The following BICC1 variants were observed in gnomAD, a reference collection of about 807,000 sequenced individuals.
The protein encoded by BICC1 is protein bicaudal C homolog 1.
A neutral mutation model predicts 111.0 loss-of-function variants in BICC1; 43 were observed. The ratio of observed to expected loss-of-function variants is 0.39; its 90% CI spans 0.30 to 0.50. The LOEUF (loss-of-function observed/expected upper bound fraction) is 0.50, where lower values mean the gene tolerates loss of function less well. Ranked by LOEUF, BICC1 falls within the 20% of genes least tolerant of loss-of-function variation. The pLI is 0.88. For missense variants in BICC1, 1,091 were observed against 1,203.2 expected, an observed-to-expected ratio of 0.91 and a Z score of 1.38; for synonymous variants, 467 against 434.4, an observed-to-expected ratio of 1.07 and a Z score of -0.93.
chr10:58,797,078 C>T (rs192390158), intron 10 of BICC1, among the ~76,000 whole-genome samples: 1 of 152,138 alleles, frequency 6.6e-6, no homozygotes, highest in Admixed American at 6.6e-5. Context: ...GAACAAACGT[C>T]ATCATCTCAG....
Position 58,697,945 on chromosome 10 carries a change from G to T in BICC1, c.238-4129G>T, listed in dbSNP as rs560334004. On this transcript the variant is annotated intron_variant, in intron 2 of 20. Transcript: ENST00000373886. Reference sequence around the variant, plus strand: ...CCACCTCCCACCCCCATGACAGAATGCGTCACACTCCACTACTCCCATCAC... The same window carrying T: ...CCACCTCCCACCCCCATGACAGAATTCGTCACACTCCACTACTCCCATCAC... Among the ~76,000 whole-genome samples, 231 of 150,982 alleles carry T rather than the reference G, an allele frequency of 1.5e-3. 1 individual carries two copies. The highest frequency in any genetic ancestry group is 5.3e-3 in the African/African-American group (217 of 41,006).
At chr10:58,674,226 C>T (rs1839270420) in intron 2 of BICC1, among the ~76,000 whole-genome samples, 1 of 150,128 alleles carries the variant, frequency 6.7e-6, no homozygotes. Context: ...ATTTGCTGCA[C>T]CTCTGACCAC....
intron 2 of BICC1, among the ~76,000 whole-genome samples, chr10:58,652,959 A>G (rs1185237770): frequency 6.6e-6 from 1 of 152,150 alleles, no homozygotes; most frequent in Non-Finnish European, 1.5e-5. Context: ...GGCTGAGCAG[A>G]GGTTTCCTTG....
At chr10:58,585,449 G>T (rs1844402837) in intron 1 of BICC1, among the ~76,000 whole-genome samples, 1 of 152,152 alleles carries the variant, frequency 6.6e-6, no homozygotes, top group African/African-American at 2.4e-5. Flanking sequence ...ACTATTTTCT[G>T]AATATGGTGA....
intron 2 of BICC1, among the ~76,000 whole-genome samples, chr10:58,680,819 A>G (rs1264582370): frequency 2.0e-5 from 3 of 152,232 alleles, no homozygotes; most frequent in African/African-American, 4.8e-5. Context: ...TCATACCAAA[A>G]CAGATATATA....
chr10:58,760,466 CATTT>C (rs1196498629), intron 3 of BICC1, among the ~76,000 whole-genome samples: 4 of 152,102 alleles, frequency 2.6e-5, no homozygotes, highest in African/African-American at 9.7e-5. Flanking sequence ...TTTTCTGAAT[CATTT>C]ATTTAATTGG....
chr10:58,578,397 A>G (rs752769623), intron 1 of BICC1, among the ~76,000 whole-genome samples: 15 of 152,128 alleles, frequency 9.9e-5, no homozygotes, highest in Non-Finnish European at 2.2e-4. Context: ...TCGGGCCCAC[A>G]TTGTATTTCA....
intron 2 of BICC1, among the ~76,000 whole-genome samples, chr10:58,646,324 A>G (rs796159861): frequency 3.9e-4 from 60 of 152,352 alleles, no homozygotes; most frequent in African/African-American, 1.2e-3. Context: ...TAGAGTAAGC[A>G]TGCACAGCTG....
intron 1 of BICC1, among the ~76,000 whole-genome samples, chr10:58,543,812 GT>G (rs1211554936): frequency 4.4e-4 from 45 of 103,306 alleles, no homozygotes; most frequent in East Asian, 8.6e-4. Flanking sequence ...CCTGGCCTAT[GT>G]TTTTTTTTTT....
chr10:58,590,892 A>G (rs1844592811), intron 1 of BICC1, among the ~76,000 whole-genome samples: 1 of 152,230 alleles, frequency 6.6e-6, no homozygotes, highest in African/African-American at 2.4e-5. Context: ...AAACAGTGGG[A>G]AATGTTTTAC....
chr10:58,575,882 G>A (rs1434566123), intron 1 of BICC1, among the ~76,000 whole-genome samples: 1 of 152,172 alleles, frequency 6.6e-6, no homozygotes, highest in East Asian at 1.9e-4. Context: ...AGTTTGCAGA[G>A]CGTTATAGCT....
chr10:58,641,956 T>G (rs1030482292), intron 2 of BICC1, among the ~76,000 whole-genome samples: 3 of 152,176 alleles, frequency 2.0e-5, no homozygotes, highest in African/African-American at 4.8e-5. Context: ...TGGCCACATG[T>G]TTTCAGAGAA....
At chr10:58,628,232 C>A (rs1413561276) in intron 2 of BICC1, among the ~76,000 whole-genome samples, 1 of 152,114 alleles carries the variant, frequency 6.6e-6, no homozygotes, top group Admixed American at 6.6e-5. Flanking sequence ...AAACAGATAA[C>A]AATAACTAAG....
chr10:58,788,055 C>T (rs1229369850), intron 5 of BICC1, among the ~76,000 whole-genome samples: 2 of 151,904 alleles, frequency 1.3e-5, no homozygotes, highest in African/African-American at 2.4e-5. Context: ...TTAAACAAAA[C>T]GGAGAAAATG....
At chr10:58,651,823 A>G (rs1838458793) in intron 2 of BICC1, among the ~76,000 whole-genome samples, 1 of 152,190 alleles carries the variant, frequency 6.6e-6, no homozygotes, top group Non-Finnish European at 1.5e-5. Flanking sequence ...GACTGAAATC[A>G]TAACTTTTCT....
chr10:58,784,172 A>T (rs1196861715), intron 3 of BICC1, among the ~76,000 whole-genome samples: 3 of 151,868 alleles, frequency 2.0e-5, no homozygotes, highest in Non-Finnish European at 4.4e-5. Context: ...TAGATAATTT[A>T]TTTGATTAAA....
At chr10:58,748,829 C>T (rs1841908268) in intron 3 of BICC1, among the ~76,000 whole-genome samples, 1 of 152,218 alleles carries the variant, frequency 6.6e-6, no homozygotes, top group African/African-American at 2.4e-5. Context: ...CCAGTGAGTT[C>T]CCAGGTGAGG....
At chr10:58,655,317 A>C (rs1838601109) in intron 2 of BICC1, among the ~76,000 whole-genome samples, 1 of 141,334 alleles carries the variant, frequency 7.1e-6, no homozygotes, top group Admixed American at 7.3e-5. Context: ...ACCCATGAGC[A>C]TGGAATGTTC....
chr10:58,608,779 C>G (rs559193060), intron 1 of BICC1, among the ~76,000 whole-genome samples: 15 of 152,250 alleles, frequency 9.9e-5, no homozygotes, highest in East Asian at 7.7e-4. Flanking sequence ...TAGATTTGAA[C>G]CTAGACTTTT....
Sources: allele counts gnomAD v4.1 joint callset (sites outside exome capture counted in the v4.1 genomes callset), GRCh38; gene constraint gnomAD v4.1.1; transcripts MANE v1.5; gene names NCBI Gene and HGNC (gene_info 2026-07-23, HGNC 2026-07-21).